Variants in PIK3C2G observed in about 807,000 individuals in gnomAD.
PIK3C2G encodes phosphatidylinositol-4-phosphate 3-kinase catalytic subunit type 2 gamma, also known as phosphatidylinositol 3-kinase C2 domain-containing subunit gamma.
In PIK3C2G, 168 loss-of-function variants were observed where a neutral mutation model predicts 181.1. The observed-to-expected ratio is 0.93, with a 90% CI of 0.82 to 1.05. The LOEUF (loss-of-function observed/expected upper bound fraction) is 1.05, where lower values mean the gene tolerates loss of function less well. Among genes scored for constraint, PIK3C2G ranks in the 50% least tolerant of loss-of-function variants. The pLI is 0.00. For synonymous variants in PIK3C2G, 573 were observed against 592.2 expected (o/e 0.97, Z 0.47); for missense variants, 1,869 against 1,732.8 (o/e 1.08, Z -1.40).
intron 31 of PIK3C2G, among the ~76,000 whole-genome samples, chr12:18,625,661 C>T (rs952328129): frequency 4.0e-5 from 6 of 151,774 alleles, no homozygotes; most frequent in Non-Finnish European, 8.9e-5. Flanking sequence ...GAATCTATCC[C>T]TTCAGAAACT....
At chr12:18,692,202 A>G in the PIK3C2G span, among the ~76,000 whole-genome samples, 7,909 of 152,198 alleles carry the variant, frequency 0.052, 289 homozygotes, top group Non-Finnish European at 0.077. Context: ...AAACATAAAC[A>G]CTACAAAATT....
chr12:18,301,288 T>C (rs986874614), intron 5 of PIK3C2G, among the ~76,000 whole-genome samples: 1 of 152,194 alleles, frequency 6.6e-6, no homozygotes, highest in Non-Finnish European at 1.5e-5. Flanking sequence ...ATTGTTTTAT[T>C]ATATAGGTCT....
chr12:18,265,066 A>C (rs1026983112), intron 1 of PIK3C2G, among the ~76,000 whole-genome samples: 6 of 152,188 alleles, frequency 3.9e-5, no homozygotes, highest in African/African-American at 1.4e-4. Flanking sequence ...TGATTATTTC[A>C]TGGTTGTGTG....
chr12:18,375,894 T>A (rs924636946), intron 13 of PIK3C2G, among the ~76,000 whole-genome samples: 1 of 152,218 alleles, frequency 6.6e-6, no homozygotes, highest in Non-Finnish European at 1.5e-5. Flanking sequence ...AGGTGCAAGC[T>A]ACAATCCTTG....
At chr12:18,688,337 C>T in the PIK3C2G span, 4 of 1,029,522 alleles carry the variant, frequency 3.9e-6, no homozygotes, top group African/African-American at 1.6e-5. Flanking sequence ...CTCCCACAAA[C>T]ATTGAAAGTG....
In PIK3C2G at chr12:18,346,672, CA is replaced by C; in HGVS notation, c.1462del (p.Thr488HisfsTer6). On this transcript the variant is annotated frameshift_variant, in exon 11 of 33. Coordinates refer to ENST00000538779, the MANE Select transcript of PIK3C2G (RefSeq NM_001288772.2). LOFTEE classifies it high-confidence loss of function. ...TAGAGAAGGTAACAACTGAACTATC[CA>C]CATCCATCTACCAGCTAATCAATGT... Reference protein sequence around the residue: ...LIEKVTTELSTSIYQLINVYC... With the variant: ...LIEKVTTELSXSIYQLINVYC... The C allele has an allele frequency of 1.2e-6, 2 of 1,612,678 alleles. No homozygotes were observed. Among genetic ancestry groups the C allele is most frequent in the South Asian group, 2.2e-5 (2 of 90,984 alleles).
chr12:18,671,164 G>A, the PIK3C2G span, among the ~76,000 whole-genome samples: 1 of 149,360 alleles, frequency 6.7e-6, no homozygotes, highest in Non-Finnish European at 1.5e-5. Context: ...CCTCCAGCCC[G>A]GGTGACAGGG....
chr12:18,507,507 G>A (rs993423740), intron 24 of PIK3C2G, among the ~76,000 whole-genome samples: 5 of 152,214 alleles, frequency 3.3e-5, no homozygotes, highest in African/African-American at 1.2e-4. Flanking sequence ...CAGAGATAGA[G>A]AAATGTACAG....
chr12:18,658,372 T>C, the PIK3C2G span, among the ~76,000 whole-genome samples: 1 of 152,066 alleles, frequency 6.6e-6, no homozygotes, highest in Non-Finnish European at 1.5e-5. Context: ...CATAACAAGA[T>C]TCACAATGAG....
intron 31 of PIK3C2G, among the ~76,000 whole-genome samples, chr12:18,637,901 A>T (rs1442699196): frequency 1.3e-5 from 2 of 152,206 alleles, no homozygotes; most frequent in Non-Finnish European, 2.9e-5. Flanking sequence ...AACCCAGCAC[A>T]CTGTTAGAAC....
At chr12:18,419,794 C>T (rs1945375784) in intron 16 of PIK3C2G, among the ~76,000 whole-genome samples, 1 of 152,096 alleles carries the variant, frequency 6.6e-6, no homozygotes, top group African/African-American at 2.4e-5. Context: ...ATGTAACTTG[C>T]TTAGCATTCC....
chr12:18,649,963 G>A (rs1233278612), downstream of PIK3C2G, among the ~76,000 whole-genome samples: 2 of 151,732 alleles, frequency 1.3e-5, no homozygotes, highest in Non-Finnish European at 2.9e-5. Flanking sequence ...CTCACCCCTT[G>A]CTCCCCTTTC....
chr12:18,259,433 T>C (rs575088256), upstream of PIK3C2G, among the ~76,000 whole-genome samples: 14 of 152,204 alleles, frequency 9.2e-5, no homozygotes, highest in Non-Finnish European at 1.9e-4. Flanking sequence ...TGAAAAATCT[T>C]TCCCAGGTTT....
chr12:18,409,770 CCTGAGA>C (rs1378075179), intron 16 of PIK3C2G, among the ~76,000 whole-genome samples: 1 of 151,974 alleles, frequency 6.6e-6, no homozygotes, highest in Non-Finnish European at 1.5e-5. Flanking sequence ...TAAAGAAATG[CCTGAGA>C]CTGAGTAATC....
At chr12:18,594,171 G>A (rs865934708) in intron 29 of PIK3C2G, among the ~76,000 whole-genome samples, 26 of 151,778 alleles carry the variant, frequency 1.7e-4, no homozygotes, top group African/African-American at 5.3e-4. Context: ...CCTTGTTTTC[G>A]AAAATTGAGA....
intron 10 of PIK3C2G, among the ~76,000 whole-genome samples, chr12:18,344,788 G>A (rs978782337): frequency 3.9e-5 from 6 of 151,988 alleles, no homozygotes; most frequent in African/African-American, 7.3e-5. Flanking sequence ...AATTAGGTGC[G>A]ATAAACACTT....
At chr12:18,294,841 G>A (rs2137233191) in intron 5 of PIK3C2G, among the ~76,000 whole-genome samples, 1 of 151,832 alleles carries the variant, frequency 6.6e-6, no homozygotes, top group East Asian at 1.9e-4. Context: ...ACATCTCATG[G>A]AAGTAAAAAT....
intron 5 of PIK3C2G, among the ~76,000 whole-genome samples, chr12:18,300,829 A>G: frequency 6.6e-6 from 1 of 151,990 alleles, no homozygotes; most frequent in East Asian, 1.9e-4. Context: ...GATGATAGAT[A>G]TTGTTTTTTC....
chr12:18,265,753 C>A (rs988167626), intron 1 of PIK3C2G, among the ~76,000 whole-genome samples: 2 of 151,994 alleles, frequency 1.3e-5, no homozygotes, highest in Non-Finnish European at 1.5e-5. Flanking sequence ...GTGGCTCAAG[C>A]CTGTAATCCC....
Sources: allele counts gnomAD v4.1 joint callset (sites outside exome capture counted in the v4.1 genomes callset), GRCh38; gene constraint gnomAD v4.1.1; transcripts MANE v1.5; gene names NCBI Gene and HGNC (gene_info 2026-07-23, HGNC 2026-07-21).